The following FARP2 variants were observed in gnomAD, a reference collection of about 807,000 sequenced individuals.
FARP2 encodes FERM, ARH/RhoGEF and pleckstrin domain protein 2.
In FARP2, 111 loss-of-function variants were observed where a neutral mutation model predicts 130.5. The ratio of observed to expected loss-of-function variants is 0.85; its 90% CI spans 0.73 to 1.00. FARP2 has a LOEUF of 1.00. Among genes scored for constraint, FARP2 ranks in the 50% least tolerant of loss-of-function variants. The probability of loss-of-function intolerance (pLI) is 0.00; values close to 1 mark genes in which losing one functional copy is unlikely to be tolerated. For synonymous variants in FARP2, 504 were observed against 516.9 expected (o/e 0.98, Z 0.34); for missense variants, 1,385 against 1,346.3 (o/e 1.03, Z -0.45).
intron 2 of FARP2, among the ~76,000 whole-genome samples, chr2:241,387,581 C>G (rs2061814872): frequency 6.6e-6 from 1 of 151,984 alleles, no homozygotes; most frequent in African/African-American, 2.4e-5. Context: ...ATCACGAGGT[C>G]AGGAGATCGA....
chr2:241,411,416 G>A (rs1367440206), intron 6 of FARP2, among the ~76,000 whole-genome samples: 1 of 152,174 alleles, frequency 6.6e-6, no homozygotes, highest in African/African-American at 2.4e-5. Context: ...CATTTTACCA[G>A]CAATGCATAT....
At chr2:241,389,632 C>T (rs1483566829) in intron 2 of FARP2, among the ~76,000 whole-genome samples, 1 of 152,200 alleles carries the variant, frequency 6.6e-6, no homozygotes, top group Non-Finnish European at 1.5e-5. Flanking sequence ...GAATTCTCAC[C>T]CAGGTGATCC....
At chr2:241,429,025 A>AG (rs1414066284) in intron 8 of FARP2, among the ~76,000 whole-genome samples, 1 of 152,190 alleles carries the variant, frequency 6.6e-6, no homozygotes, top group Non-Finnish European at 1.5e-5. Flanking sequence ...GCTGTCTCTG[A>AG]GGGGACTGTG....
chr2:241,411,216 A>G lies in FARP2; in HGVS notation c.508+86A>G. 6 of 918,450 alleles carry G rather than the reference A, an allele frequency of 6.5e-6. No individual in the cohort carries two copies. The Admixed American group carries it at 8.2e-5, about 13-fold the overall frequency. 56.9% of individuals were successfully genotyped at this position (918,450 alleles called of 1,614,324 possible). A position where few individuals can be genotyped will look rare whatever the true frequency, so the allele number is the denominator to read the frequency against. On this transcript the variant is annotated intron_variant, in intron 6 of 26. Coordinates refer to ENST00000264042, the MANE Select transcript of FARP2 (RefSeq NM_014808.4). ...CAGAACTACAATTAGTTGCTGATGT[A>G]TTTGCCTAGTTAGTGAGCCTGACCA...
intron 18 of FARP2, among the ~76,000 whole-genome samples, chr2:241,474,535 A>C: frequency 6.6e-6 from 1 of 151,622 alleles, no homozygotes; most frequent in East Asian, 1.9e-4. Context: ...TCACGCTTAT[A>C]ATCCCAGCAC....
In FARP2 at chr2:241,407,586, TC is replaced by T. The variant is rs1185331941; in HGVS notation, c.383del (p.Pro128LeufsTer26). The T allele has an allele frequency of 1.2e-6, 2 of 1,613,992 alleles. No individual in the cohort carries two copies. Among genetic ancestry groups the T allele is most frequent in the East Asian group, 4.5e-5 (2 of 44,892 alleles). The stretch of plus-strand genomic sequence containing the variant: ...TAGCTGTAAAATTTTTTCCACCTGA[TC>T]CTGGTCAGCTACAAGAAGAATATAC... Reference protein sequence around the residue: ...RLAVKFFPPDPGQLQEEYTRY... With the variant: ...RLAVKFFPPDXGQLQEEYTRY... On this transcript the variant is annotated frameshift_variant, in exon 5 of 27. Transcript: ENST00000264042. LOFTEE classifies it high-confidence loss of function.
At chr2:241,456,488 C>A (rs1276203816) in intron 13 of FARP2, 4 of 397,688 alleles carry the variant, frequency 1.0e-5, no homozygotes, top group Non-Finnish European at 4.5e-6. Flanking sequence ...GTATCCAGGC[C>A]CCCCTAGAGT....
intron 17 of FARP2, chr2:241,465,889 T>C (rs1271353257): frequency 2.1e-6 from 3 of 1,455,790 alleles, no homozygotes; most frequent in African/African-American, 1.4e-5. Flanking sequence ...ATAGCCCCAC[T>C]TGAAGAACTG....
intron 8 of FARP2, among the ~76,000 whole-genome samples, chr2:241,420,458 A>C (rs901745666): frequency 6.6e-6 from 1 of 152,186 alleles, no homozygotes; most frequent in Non-Finnish European, 1.5e-5. Flanking sequence ...GGAGACTTGC[A>C]CTGTGGACTC....
intron 8 of FARP2, among the ~76,000 whole-genome samples, chr2:241,425,498 T>C (rs149805439): frequency 1.1e-4 from 16 of 152,014 alleles, no homozygotes; most frequent in African/African-American, 3.1e-4. Context: ...AGAAGTGTGA[T>C]TTAAAATGGC....
chr2:241,487,597 G>A (rs958129805), intron 21 of FARP2, among the ~76,000 whole-genome samples: 5 of 149,716 alleles, frequency 3.3e-5, no homozygotes, highest in Admixed American at 2.7e-4. Context: ...AACCTGGGAG[G>A]CGGAGGTTGC....
intron 14 of FARP2, among the ~76,000 whole-genome samples, chr2:241,460,863 G>A (rs1339402932): frequency 2.0e-5 from 3 of 152,158 alleles, no homozygotes; most frequent in Non-Finnish European, 4.4e-5. Context: ...GTGGACGTGT[G>A]CAGGACTCTG....
intron 8 of FARP2, among the ~76,000 whole-genome samples, chr2:241,422,834 T>C (rs1316759093): frequency 1.3e-5 from 2 of 152,030 alleles, no homozygotes; most frequent in Non-Finnish European, 2.9e-5. Flanking sequence ...CAAGTATCAA[T>C]AGCAGAATAG....
chr2:241,366,125 A>ATATATATATATG lies in FARP2; in HGVS notation c.-24-6948_-24-6947insGTATATATATAT, dbSNP rs2061311223. 1.5e-4 allele frequency among the ~76,000 whole-genome samples: 10 copies of ATATATATATATG among 67,366 alleles called. 1 individual carries two copies. Among genetic ancestry groups the ATATATATATATG allele is most frequent in the South Asian group, 5.0e-4 (1 of 1,986 alleles). 44.2% of individuals were successfully genotyped at this position (67,366 alleles called of 152,430 possible). ...AAAAAATATATATATATATATACGT[A>ATATATATATATG]TATATATATATATACACACACACAT... On this transcript the variant is annotated intron_variant, in intron 1 of 26. Transcript: ENST00000264042.
At chr2:241,389,618 T>G (rs920001106) in intron 2 of FARP2, among the ~76,000 whole-genome samples, 1 of 152,248 alleles carries the variant, frequency 6.6e-6, no homozygotes, top group Admixed American at 6.5e-5. Context: ...ACGCAGGAAC[T>G]CAAGAATTCT....
chr2:241,490,104 C>T (rs547157407), intron 22 of FARP2, 60 bp downstream of exon 22: 13 of 1,208,218 alleles, frequency 1.1e-5, no homozygotes, highest in East Asian at 4.6e-5. Flanking sequence ...GGGACTTCCT[C>T]GCCATGAGCC....
chr2:241,426,688 G>A (rs138139856), intron 8 of FARP2, among the ~76,000 whole-genome samples: 5 of 152,288 alleles, frequency 3.3e-5, no homozygotes, highest in Middle Eastern at 3.4e-3. Context: ...GTTTCCAGTC[G>A]TGTAGTCTAT....
At chr2:241,455,715 C>G (rs1248365162) in intron 13 of FARP2, among the ~76,000 whole-genome samples, 1 of 146,984 alleles carries the variant, frequency 6.8e-6, no homozygotes, top group Non-Finnish European at 1.5e-5. Context: ...TAAATTCCTT[C>G]TCTAAAACTC....
intron 8 of FARP2, among the ~76,000 whole-genome samples, chr2:241,418,471 C>A (rs765391492): frequency 6.7e-6 from 1 of 149,848 alleles, no homozygotes; most frequent in African/African-American, 2.4e-5. Flanking sequence ...AAACCACAAC[C>A]CTGTTTTTTT....
Sources: gnomAD v4.1 joint callset for allele counts (sites outside exome capture counted in the v4.1 genomes callset) on GRCh38, gnomAD v4.1.1 for gene constraint, MANE v1.5 for transcripts, NCBI Gene and HGNC (gene_info 2026-07-23, HGNC 2026-07-21) for gene names.